Variants in STXBP5L observed in about 807,000 individuals in gnomAD.
STXBP5L encodes the protein syntaxin binding protein 5L.
Under a neutral mutation model 144.5 loss-of-function variants are expected in STXBP5L, and 65 were observed. The observed-to-expected ratio is 0.45, with a 90% CI of 0.37 to 0.55. STXBP5L has a LOEUF of 0.55. Among genes scored for constraint, STXBP5L ranks in the 20% least tolerant of loss-of-function variants. The pLI is 0.00. For synonymous variants in STXBP5L, 505 were observed against 469.6 expected (o/e 1.08, Z -0.97); for missense variants, 1,298 against 1,405.5 (o/e 0.92, Z 1.22).
At chr3:121,161,621 G>A (rs1371397266) in intron 9 of STXBP5L, among the ~76,000 whole-genome samples, 1 of 151,886 alleles carries the variant, frequency 6.6e-6, no homozygotes, top group East Asian at 1.9e-4. Flanking sequence ...CACTGTTGAT[G>A]GCATTGTTCT....
intron 3 of STXBP5L, among the ~76,000 whole-genome samples, chr3:121,029,125 A>G (rs1040526418): frequency 3.3e-5 from 5 of 152,188 alleles, no homozygotes; most frequent in Admixed American, 1.3e-4. Flanking sequence ...CATAGATTCA[A>G]TGCTATCCCC....
Position 120,909,619 on chromosome 3 carries a change from C to G in STXBP5L, c.41C>G (p.Thr14Ser), listed in dbSNP as rs1319633377. The G allele has an allele frequency of 6.2e-7, 1 of 1,613,378 alleles. No individual in the cohort carries two copies. The highest frequency in any genetic ancestry group is 8.5e-7 in the Non-Finnish European group (1 of 1,179,794). Reference sequence around the variant, plus strand: ...TTCCGAAAAGTTTTGGATGGCTTAACTGCCTCCTCCCCTGGCAGTGGTAGC... The same window carrying G: ...TTCCGAAAAGTTTTGGATGGCTTAAGTGCCTCCTCCCCTGGCAGTGGTAGC... ...FNFRKVLDGL[T>S]ASSPGSGSSS... The change falls in exon 2 of 27, where the codon ACT becomes AGT. Residue 14 changes from threonine (T) to serine (S), a missense_variant. Thr to Ser is a moderately conservative substitution (Grantham distance 58, BLOSUM62 1). Transcript: ENST00000471454.
At chr3:121,304,444 A>G (rs2108498969) in intron 19 of STXBP5L, among the ~76,000 whole-genome samples, 1 of 152,294 alleles carries the variant, frequency 6.6e-6, no homozygotes, top group South Asian at 2.1e-4. Flanking sequence ...GTAAACACGT[A>G]ACATTCACAA....
chr3:120,976,210 C>T (rs1411853763), intron 3 of STXBP5L, among the ~76,000 whole-genome samples: 1 of 152,138 alleles, frequency 6.6e-6, no homozygotes. Context: ...TGATTATTGC[C>T]ACAGTTTCAG....
intron 9 of STXBP5L, among the ~76,000 whole-genome samples, chr3:121,183,453 A>T (rs1212333352): frequency 6.6e-6 from 1 of 152,222 alleles, no homozygotes; most frequent in Non-Finnish European, 1.5e-5. Flanking sequence ...GTTTCAGGAC[A>T]AAACAAATCA....
At chr3:121,169,792 C>T (rs1401508439) in intron 9 of STXBP5L, among the ~76,000 whole-genome samples, 1 of 152,150 alleles carries the variant, frequency 6.6e-6, no homozygotes, top group East Asian at 1.9e-4. Flanking sequence ...ATCCATGAGA[C>T]AGAAAATTAA....
chr3:120,999,561 C>T (rs2108029429), intron 3 of STXBP5L, among the ~76,000 whole-genome samples: 1 of 151,674 alleles, frequency 6.6e-6, no homozygotes, highest in East Asian at 1.9e-4. Context: ...AGTCATTTAG[C>T]CCATTTATGT....
At chr3:121,312,001 A>C (rs1360260789) in intron 19 of STXBP5L, among the ~76,000 whole-genome samples, 2 of 152,192 alleles carry the variant, frequency 1.3e-5, no homozygotes, top group African/African-American at 4.8e-5. Flanking sequence ...AGAGATATAG[A>C]TCAATGGAAC....
At chr3:120,922,613 C>G (rs927207441) in intron 2 of STXBP5L, among the ~76,000 whole-genome samples, 5 of 151,776 alleles carry the variant, frequency 3.3e-5, no homozygotes, top group Admixed American at 2.0e-4. Flanking sequence ...TCATTTATAG[C>G]CTTTATTATT....
intron 3 of STXBP5L, among the ~76,000 whole-genome samples, chr3:120,997,989 T>C (rs577564627): frequency 6.6e-6 from 1 of 152,186 alleles, no homozygotes; most frequent in Non-Finnish European, 1.5e-5. Flanking sequence ...AACCACATGA[T>C]CATCTCAATA....
chr3:121,020,730 C>G (rs1363081690), intron 3 of STXBP5L, among the ~76,000 whole-genome samples: 1 of 151,884 alleles, frequency 6.6e-6, no homozygotes, highest in Admixed American at 6.5e-5. Context: ...TTGCCACTAC[C>G]AAGCCAGCAC....
chr3:121,333,024 G>A (rs757045013), intron 20 of STXBP5L, among the ~76,000 whole-genome samples: 2 of 152,072 alleles, frequency 1.3e-5, no homozygotes, highest in Admixed American at 1.3e-4. Flanking sequence ...TTTCAGACAA[G>A]CAAAGGCTGT....
chr3:121,291,129 A>G (rs1287736439), intron 19 of STXBP5L, among the ~76,000 whole-genome samples: 1 of 152,272 alleles, frequency 6.6e-6, no homozygotes, highest in African/African-American at 2.4e-5. Flanking sequence ...TGCCAATGAT[A>G]AGATTGTATG....
At chr3:121,086,261 C>G (rs1171759295) in intron 5 of STXBP5L, among the ~76,000 whole-genome samples, 1 of 152,014 alleles carries the variant, frequency 6.6e-6, no homozygotes, top group Non-Finnish European at 1.5e-5. Context: ...TTTATATTTC[C>G]AATTTTATTC....
At chr3:121,141,957 A>C (rs369950716) in intron 7 of STXBP5L, among the ~76,000 whole-genome samples, 1 of 152,108 alleles carries the variant, frequency 6.6e-6, no homozygotes, top group Non-Finnish European at 1.5e-5. Context: ...GATACAAAGT[A>C]TCTGAATTGA....
chr3:121,206,336 A>G (rs2048334262), intron 10 of STXBP5L, among the ~76,000 whole-genome samples: 1 of 152,206 alleles, frequency 6.6e-6, no homozygotes, highest in East Asian at 1.9e-4. Context: ...ATTGCATGTG[A>G]AAGACTTAAA....
intron 19 of STXBP5L, among the ~76,000 whole-genome samples, chr3:121,301,542 T>C (rs2051907188): frequency 6.6e-6 from 1 of 152,220 alleles, no homozygotes; most frequent in African/African-American, 2.4e-5. Flanking sequence ...TTTATTTCCT[T>C]CTCCTGCCTA....
intron 18 of STXBP5L, among the ~76,000 whole-genome samples, chr3:121,271,355 C>T (rs905840092): frequency 2.0e-5 from 3 of 152,094 alleles, no homozygotes; most frequent in Admixed American, 6.5e-5. Flanking sequence ...ATGTTCCCAT[C>T]GTTTTTTAGC....
intron 20 of STXBP5L, chr3:121,324,554 G>C (rs1475551288): frequency 1.4e-6 from 1 of 697,190 alleles, no homozygotes; most frequent in Non-Finnish European, 2.6e-6. Context: ...TATCAGCTAT[G>C]AGACAGAGGA....
Sources: gnomAD v4.1 joint callset for allele counts (sites outside exome capture counted in the v4.1 genomes callset) on GRCh38, gnomAD v4.1.1 for gene constraint, MANE v1.5 for transcripts, NCBI Gene and HGNC (gene_info 2026-07-23, HGNC 2026-07-21) for gene names.